The following MINDY4 variants were observed in gnomAD, a reference collection of about 807,000 sequenced individuals.
The protein encoded by MINDY4 is probable ubiquitin carboxyl-terminal hydrolase MINDY-4.
MINDY4 carries 68 observed loss-of-function variants against 87.0 expected under a neutral mutation model. That is an observed-to-expected ratio of 0.78 (90% CI 0.64 to 0.96). MINDY4 has a LOEUF of 0.96. MINDY4 is among the 40% of genes least tolerant of loss of function. The pLI is 0.00. For synonymous variants in MINDY4, 379 were observed against 363.2 expected (o/e 1.04, Z -0.50); for missense variants, 919 against 928.2 (o/e 0.99, Z 0.13).
chr7:30,874,639 A>T lies in MINDY4; in HGVS notation c.1810-856A>T, dbSNP rs771513032. Among the ~76,000 whole-genome samples the T allele has an allele frequency of 7.3e-4, 111 of 152,194 alleles. 1 individual carries two copies. Among genetic ancestry groups the T allele is most frequent in the Non-Finnish European group, 1.5e-4 (10 of 68,036 alleles). ...GTAGCTTGAGTCACAGGACCACCCA[A>T]TGCCTCATGCCACGTAGCAAGACAA... On this transcript the variant is annotated intron_variant, in intron 14 of 17. Coordinates refer to ENST00000265299, the MANE Select transcript of MINDY4 (RefSeq NM_032222.3).
intron 13 of MINDY4, among the ~76,000 whole-genome samples, chr7:30,863,119 C>T (rs1040494168): frequency 2.0e-5 from 3 of 152,160 alleles, no homozygotes; most frequent in African/African-American, 2.4e-5. Flanking sequence ...AGATGATCGC[C>T]GAGGGCCTTC....
intron 5 of MINDY4, among the ~76,000 whole-genome samples, chr7:30,825,129 G>A (rs921931651): frequency 5.3e-5 from 8 of 152,216 alleles, no homozygotes; most frequent in Non-Finnish European, 1.2e-4. Context: ...TTGAAAAAGT[G>A]TTTTGAGTCC....
rs572251455 is a variant in MINDY4 at position 30,797,210 on chromosome 7, C to T, written c.1073+5636C>T. ...ATGGCCTACTGTGTGCCAGACCCAC[C>T]AGCCAGTCAGCTGTGAACAAAGCAG... On this transcript the variant is annotated intron_variant, in intron 5 of 17. Coordinates refer to ENST00000265299, the MANE Select transcript of MINDY4 (RefSeq NM_032222.3). Among the ~76,000 whole-genome samples, 7 of 152,348 alleles carry T rather than the reference C, an allele frequency of 4.6e-5. No individual in the cohort carries two copies. The South Asian group carries it at 1.4e-3, about 32-fold the overall frequency.
In MINDY4 at chr7:30,852,141, A is replaced by G. The variant is rs1418990287; in HGVS notation, c.1548-75A>G. ...CTTATTTGTCCTTATTTAATGACAC[A>G]TGTGGTTTCGCCCCGGCTGGAGGGC... On this transcript the variant is annotated intron_variant, in intron 10 of 17. Transcript: ENST00000265299. The G allele has an allele frequency of 7.1e-6, 11 of 1,544,844 alleles. No individual in the cohort carries two copies. In the South Asian group the frequency reaches 8.1e-5, roughly 11 times the overall value.
chr7:30,883,642 C>A (rs959986813), intron 17 of MINDY4, among the ~76,000 whole-genome samples: 6 of 152,162 alleles, frequency 3.9e-5, no homozygotes, highest in Non-Finnish European at 8.8e-5. Flanking sequence ...TCTGAGTGGG[C>A]CCCTGGGCTG....
chr7:30,840,722 C>A, intron 8 of MINDY4, 38 bp from the exon 9 acceptor site: 1 of 1,600,332 alleles, frequency 6.2e-7, no homozygotes, highest in Non-Finnish European at 8.6e-7. Flanking sequence ...CTGCCCCAGG[C>A]CAGTTCTCAC....
At chr7:30,777,289 T>C (rs1786854210) in intron 1 of MINDY4, among the ~76,000 whole-genome samples, 1 of 152,102 alleles carries the variant, frequency 6.6e-6, no homozygotes, top group Non-Finnish European at 1.5e-5. Flanking sequence ...TAAAGAATTA[T>C]CCATCAGAGA....
intron 5 of MINDY4, among the ~76,000 whole-genome samples, chr7:30,800,372 C>T (rs929781684): frequency 6.6e-6 from 1 of 152,224 alleles, no homozygotes; most frequent in African/African-American, 2.4e-5. Flanking sequence ...CAGCCTTTCC[C>T]ATCATGACAT....
intron 5 of MINDY4, among the ~76,000 whole-genome samples, chr7:30,799,326 T>A (rs758102962): frequency 5.3e-5 from 8 of 152,320 alleles, no homozygotes; most frequent in Non-Finnish European, 7.4e-5. Context: ...CAGGGTCCTG[T>A]GACTTTGGAG....
chr7:30,778,690 C>A (rs1349834478), intron 2 of MINDY4, 139 bp downstream of exon 2: 40 of 1,020,024 alleles, frequency 3.9e-5, no homozygotes, highest in Non-Finnish European at 5.8e-5. Flanking sequence ...GAAACGGACC[C>A]CCCAAATGTG....
chr7:30,834,470 C>A (rs1788800734), intron 6 of MINDY4, among the ~76,000 whole-genome samples: 1 of 152,218 alleles, frequency 6.6e-6, no homozygotes, highest in African/African-American at 2.4e-5. Flanking sequence ...CCCATGAGAC[C>A]ATTTTTTCCT....
chr7:30,819,647 T>C (rs1344464853), intron 5 of MINDY4, among the ~76,000 whole-genome samples: 2 of 152,154 alleles, frequency 1.3e-5, no homozygotes, highest in African/African-American at 4.8e-5. Context: ...TGATAATATG[T>C]TTTGAAGCTT....
chr7:30,851,497 C>T (rs1789411897), intron 10 of MINDY4, among the ~76,000 whole-genome samples: 2 of 152,150 alleles, frequency 1.3e-5, no homozygotes, highest in South Asian at 4.2e-4. Context: ...TTGCGAAGTG[C>T]TTAGGACAGT....
chr7:30,780,463 G>C (rs1422003342), intron 2 of MINDY4: 3 of 152,114 alleles, frequency 2.0e-5, no homozygotes, highest in African/African-American at 7.2e-5. Flanking sequence ...AGATACTTAA[G>C]ATATTTTCAT....
intron 5 of MINDY4, among the ~76,000 whole-genome samples, chr7:30,806,251 A>G (rs543069160): frequency 6.6e-6 from 1 of 152,326 alleles, no homozygotes; most frequent in Non-Finnish European, 1.5e-5. Flanking sequence ...GTAACTTGGC[A>G]TGGTGAGGTT....
intron 6 of MINDY4, among the ~76,000 whole-genome samples, chr7:30,831,271 C>A (rs1357284318): frequency 6.6e-6 from 1 of 152,106 alleles, no homozygotes; most frequent in African/African-American, 2.4e-5. Flanking sequence ...CTCTGAAAAC[C>A]CTTGCACTCG....
At position 30,848,087 on chromosome 7, in the gene MINDY4, G is replaced by T. The variant is rs145412670; in HGVS notation, c.1446-2367G>T. Among the ~76,000 whole-genome samples, 719 of 152,324 alleles carry T rather than the reference G, an allele frequency of 4.7e-3. 5 individuals are homozygous for T. Among genetic ancestry groups the T allele is most frequent in the African/African-American group, 0.017 (692 of 41,558 alleles). On this transcript the variant is annotated intron_variant, in intron 9 of 17. Transcript: ENST00000265299. ...GCTACACTGAGAAGCTTCCAACTGA[G>T]AATTACCTGCTTCAGTAAGTTAGTG... is the stretch of plus-strand genomic sequence containing the variant.
chr7:30,824,857 G>A (rs1788452130), intron 5 of MINDY4, among the ~76,000 whole-genome samples: 1 of 152,174 alleles, frequency 6.6e-6, no homozygotes. Context: ...ACCACACCTT[G>A]CTTCTTCTCT....
chr7:30,793,203 A>AT (rs1202093956), intron 5 of MINDY4, among the ~76,000 whole-genome samples: 2 of 149,770 alleles, frequency 1.3e-5, no homozygotes, highest in Admixed American at 1.3e-4. Context: ...ATCCTTTGAT[A>AT]TTTGCTGAGA....
Sources: gnomAD v4.1 joint callset for allele counts (sites outside exome capture counted in the v4.1 genomes callset) on GRCh38, gnomAD v4.1.1 for gene constraint, MANE v1.5 for transcripts, NCBI Gene and HGNC (gene_info 2026-07-23, HGNC 2026-07-21) for gene names.